NXPE2: variants seen among roughly 807,000 people sequenced by gnomAD.
NXPE2 encodes the protein neurexophilin and PC-esterase domain family member 2.
In NXPE2, 34 loss-of-function variants were observed where a neutral mutation model predicts 34.4. The observed-to-expected ratio is 0.99, with a 90% CI of 0.75 to 1.31. NXPE2 has a LOEUF of 1.31. NXPE2 is among the 40% of genes most tolerant of loss of function. NXPE2 has a pLI of 0.00. For missense variants in NXPE2, 649 were observed against 672.5 expected, an observed-to-expected ratio of 0.97 and a Z score of 0.39; for synonymous variants, 235 against 231.3, an observed-to-expected ratio of 1.02 and a Z score of -0.15.
At chr11:114,492,249 T>A in the NXPE2 span, among the ~76,000 whole-genome samples, 1 of 152,162 alleles carries the variant, frequency 6.6e-6, no homozygotes, top group African/African-American at 2.4e-5. Flanking sequence ...GCTCTGATCT[T>A]TATTATTTAA....
At chr11:114,503,146 G>C in the NXPE2 span, among the ~76,000 whole-genome samples, 6 of 151,904 alleles carry the variant, frequency 3.9e-5, no homozygotes, top group Middle Eastern at 3.2e-3. Flanking sequence ...GCTGCTATTT[G>C]GGGGTGTAAG....
At chr11:114,612,205 G>T in the NXPE2 span, among the ~76,000 whole-genome samples, 1 of 151,908 alleles carries the variant, frequency 6.6e-6, no homozygotes, top group African/African-American at 2.4e-5. Flanking sequence ...TTACACGGTG[G>T]AGAATAAGTG....
the NXPE2 span, among the ~76,000 whole-genome samples, chr11:114,515,257 T>A: frequency 6.6e-6 from 1 of 152,250 alleles, no homozygotes; most frequent in South Asian, 2.1e-4. Flanking sequence ...GTTGGATTTT[T>A]AAAAAAGTTG....
At chr11:114,519,723 C>T in the NXPE2 span, among the ~76,000 whole-genome samples, 1 of 152,020 alleles carries the variant, frequency 6.6e-6, no homozygotes, top group South Asian at 2.1e-4. Flanking sequence ...TATTTGAACA[C>T]GTATTTGTCT....
the NXPE2 span, among the ~76,000 whole-genome samples, chr11:114,649,065 C>A: frequency 6.6e-6 from 1 of 151,812 alleles, no homozygotes; most frequent in Admixed American, 6.6e-5. Context: ...ATGGTTATAA[C>A]TGATATTTAT....
At chr11:114,629,181 C>T in the NXPE2 span, among the ~76,000 whole-genome samples, 192 of 152,164 alleles carry the variant, frequency 1.3e-3, 2 homozygotes, top group African/African-American at 4.4e-3. Context: ...ATGAGGCCAG[C>T]ATCATTCTGA....
the NXPE2 span, among the ~76,000 whole-genome samples, chr11:114,640,032 AATTAT>A: frequency 1.7e-5 from 2 of 119,498 alleles, no homozygotes; most frequent in South Asian, 2.5e-4. Flanking sequence ...AATGTAACAT[AATTAT>A]ATTATTTTAT....
the NXPE2 span, among the ~76,000 whole-genome samples, chr11:114,586,005 C>T: frequency 1.3e-5 from 2 of 152,184 alleles, no homozygotes; most frequent in Non-Finnish European, 2.9e-5. Context: ...TAGAGTGGGA[C>T]AGCCAGCTTC....
At chr11:114,468,333 T>G in the NXPE2 span, among the ~76,000 whole-genome samples, 1 of 152,146 alleles carries the variant, frequency 6.6e-6, no homozygotes, top group African/African-American at 2.4e-5. Flanking sequence ...AGCAGTGGGC[T>G]GGGAGACCCC....
chr11:114,757,218 T>C, the NXPE2 span, among the ~76,000 whole-genome samples: 1 of 152,142 alleles, frequency 6.6e-6, no homozygotes, highest in East Asian at 1.9e-4. Flanking sequence ...GAATTTAGTT[T>C]TCTTTTTTAT....
the NXPE2 span, among the ~76,000 whole-genome samples, chr11:114,719,108 T>C: frequency 2.6e-5 from 4 of 152,148 alleles, no homozygotes; most frequent in Non-Finnish European, 5.9e-5. Context: ...TTAGTTTCAG[T>C]TCTTCTGTTG....
the NXPE2 span, among the ~76,000 whole-genome samples, chr11:114,606,667 G>T: frequency 6.4e-4 from 98 of 152,122 alleles, no homozygotes; most frequent in South Asian, 9.1e-3. Flanking sequence ...TGGATAGTAA[G>T]TATTGCATCA....
At chr11:114,784,341 G>C in the NXPE2 span, among the ~76,000 whole-genome samples, 3 of 151,916 alleles carry the variant, frequency 2.0e-5, no homozygotes, top group Non-Finnish European at 4.4e-5. Context: ...TCCTTTCCTG[G>C]TCATTATCTG....
the NXPE2 span, among the ~76,000 whole-genome samples, chr11:114,534,697 G>A: frequency 1.4e-4 from 22 of 152,298 alleles, no homozygotes; most frequent in East Asian, 3.7e-3. Context: ...GATGGAAGAC[G>A]AAATGAATGA....
the NXPE2 span, among the ~76,000 whole-genome samples, chr11:114,802,238 C>G: frequency 6.6e-6 from 1 of 152,158 alleles, no homozygotes; most frequent in Non-Finnish European, 1.5e-5. Context: ...GGAGTGCTGC[C>G]GTCTTTCTTT....
chr11:114,620,002 T>C, the NXPE2 span, among the ~76,000 whole-genome samples: 1 of 152,064 alleles, frequency 6.6e-6, no homozygotes, highest in Admixed American at 6.6e-5. Flanking sequence ...TAGTATTGCC[T>C]CGTGGGTAAC....
the NXPE2 span, chr11:114,527,999 T>G: frequency 3.8e-6 from 3 of 779,816 alleles, no homozygotes; most frequent in Non-Finnish European, 6.2e-6. Flanking sequence ...TTTAGTTTTC[T>G]ATAACTGGAA....
chr11:114,603,338 T>C, the NXPE2 span, among the ~76,000 whole-genome samples: 1 of 151,506 alleles, frequency 6.6e-6, no homozygotes, highest in South Asian at 2.1e-4. Flanking sequence ...TATTGCCTCA[T>C]CTCCTAGGTA....
the NXPE2 span, among the ~76,000 whole-genome samples, chr11:114,599,346 A>G: frequency 1.3e-5 from 2 of 152,162 alleles, no homozygotes; most frequent in Non-Finnish European, 2.9e-5. Flanking sequence ...TTTGGTGGCA[A>G]CAATTTAACA....
Sources: allele counts gnomAD v4.1 joint callset (sites outside exome capture counted in the v4.1 genomes callset), GRCh38; gene constraint gnomAD v4.1.1; transcripts MANE v1.5; gene names NCBI Gene and HGNC (gene_info 2026-07-23, HGNC 2026-07-21).